The following CNBD2 variants were observed in gnomAD, a reference collection of about 807,000 sequenced individuals.
CNBD2 encodes the protein cyclic nucleotide binding domain containing 2, also known as cyclic nucleotide-binding domain-containing protein 2.
A neutral mutation model predicts 63.7 loss-of-function variants in CNBD2; 64 were observed. That is an observed-to-expected ratio of 1.00 (90% CI 0.82 to 1.24). The LOEUF (loss-of-function observed/expected upper bound fraction) is 1.24. Among genes scored for constraint, CNBD2 ranks in the 50% most tolerant of loss-of-function variants. CNBD2 has a pLI of 0.00. For missense variants in CNBD2, 691 were observed against 713.5 expected, an observed-to-expected ratio of 0.97 and a Z score of 0.36; for synonymous variants, 229 against 255.4, an observed-to-expected ratio of 0.90 and a Z score of 0.99.
At chr20:36,008,933 A>G (rs1490001718) in intron 9 of CNBD2, among the ~76,000 whole-genome samples, 3 of 147,072 alleles carry the variant, frequency 2.0e-5, no homozygotes, top group East Asian at 1.9e-4. Flanking sequence ...AAGGGACTTG[A>G]CCTCTCTAAG....
At chr20:36,021,887 A>G (rs987558037) in intron 10 of CNBD2, among the ~76,000 whole-genome samples, 114 of 152,280 alleles carry the variant, frequency 7.5e-4, no homozygotes, top group African/African-American at 2.6e-3. Context: ...AGCTGGAGAG[A>G]GGAGGACCTG....
chr20:35,977,975 A>G (rs2056544103), intron 3 of CNBD2, among the ~76,000 whole-genome samples: 1 of 152,192 alleles, frequency 6.6e-6, no homozygotes, highest in Non-Finnish European at 1.5e-5. Flanking sequence ...AGTATAGTCC[A>G]TATTGGGCTT....
chr20:35,963,197 C>T (rs915707783), intron 2 of CNBD2, among the ~76,000 whole-genome samples: 4 of 151,218 alleles, frequency 2.6e-5, no homozygotes, highest in Non-Finnish European at 5.9e-5. Context: ...AAAAATTAGT[C>T]AGTCATGGTG....
chr20:35,998,040 CT>C (rs1046661526), intron 8 of CNBD2, among the ~76,000 whole-genome samples: 160 of 127,114 alleles, frequency 1.3e-3, no homozygotes, highest in Admixed American at 4.5e-3. Flanking sequence ...TTTTCTTTTT[CT>C]TTTTTTTTTT....
intron 7 of CNBD2, among the ~76,000 whole-genome samples, chr20:35,993,124 C>T (rs1483200281): frequency 6.6e-6 from 1 of 151,712 alleles, no homozygotes; most frequent in Non-Finnish European, 1.5e-5. Flanking sequence ...GTTTCTCTGG[C>T]ACCTGCAGTT....
intron 10 of CNBD2, among the ~76,000 whole-genome samples, chr20:36,012,129 A>G (rs1055370914): frequency 2.6e-5 from 4 of 152,044 alleles, no homozygotes; most frequent in Non-Finnish European, 5.9e-5. Flanking sequence ...GTGAAACCCC[A>G]TCTCTACTAA....
intron 7 of CNBD2, among the ~76,000 whole-genome samples, chr20:35,992,814 C>T (rs1483664632): frequency 6.9e-6 from 1 of 144,738 alleles, no homozygotes; most frequent in Non-Finnish European, 1.5e-5. Flanking sequence ...GCTCTTTTCT[C>T]TCTTTTTTTT....
At chr20:35,960,390 TTCAGTGCAGTGTTGCAGTCCTAGA>T (rs2056296524) in intron 2 of CNBD2, among the ~76,000 whole-genome samples, 1 of 152,208 alleles carries the variant, frequency 6.6e-6, no homozygotes, top group Non-Finnish European at 1.5e-5. Flanking sequence ...ATTCAGAAAA[TTCAGTGCAGTGTTGCAGTCCTAGA>T]TCACTGCAGC....
intron 8 of CNBD2, among the ~76,000 whole-genome samples, chr20:36,000,920 G>A (rs924418183): frequency 6.6e-6 from 1 of 151,524 alleles, no homozygotes; most frequent in African/African-American, 2.4e-5. Flanking sequence ...GTGTCCCTGG[G>A]TATTTGAGAT....
At chr20:36,015,348 A>G (rs945582562) in intron 10 of CNBD2, among the ~76,000 whole-genome samples, 2 of 152,036 alleles carry the variant, frequency 1.3e-5, no homozygotes, top group African/African-American at 2.4e-5. Context: ...TTCCTTTGCT[A>G]TGCAGGAGCT....
intron 7 of CNBD2, among the ~76,000 whole-genome samples, chr20:35,994,340 CAGGCGTG>C (rs1403770819): frequency 2.0e-5 from 3 of 152,056 alleles, no homozygotes; most frequent in Non-Finnish European, 4.4e-5. Context: ...GCTAGGATTA[CAGGCGTG>C]AGCCACAAGG....
intron 10 of CNBD2, among the ~76,000 whole-genome samples, chr20:36,022,437 A>G (rs1234572637): frequency 6.6e-6 from 1 of 151,528 alleles, no homozygotes; most frequent in Non-Finnish European, 1.5e-5. Context: ...TGATCTCGTG[A>G]TCCACCCGCC....
chr20:36,020,093 T>C (rs1375642839), intron 10 of CNBD2, among the ~76,000 whole-genome samples: 1 of 146,962 alleles, frequency 6.8e-6, no homozygotes, highest in Non-Finnish European at 1.5e-5. Context: ...TTTTCTTTTT[T>C]TTTTCTTGAG....
intron 7 of CNBD2, among the ~76,000 whole-genome samples, chr20:35,990,192 T>A (rs180938514): frequency 1.3e-5 from 2 of 152,322 alleles, no homozygotes; most frequent in East Asian, 1.9e-4. Flanking sequence ...GCAAACACCC[T>A]AAGTCAGGTC....
chr20:36,019,524 A>G (rs1438637593), intron 10 of CNBD2, among the ~76,000 whole-genome samples: 3 of 139,140 alleles, frequency 2.2e-5, no homozygotes, highest in African/African-American at 9.2e-5. Flanking sequence ...CTTGTCTCAA[A>G]AAAAGAAAAA....
Position 35,968,660 on chromosome 20 carries a change from A to T in CNBD2, c.-103A>T, listed in dbSNP as rs2056368741. On this transcript the variant is annotated 5_prime_UTR_variant, in exon 1 of 12. Coordinates refer to ENST00000373973, the MANE Select transcript of CNBD2 (RefSeq NM_001365709.1). ...TGGAGCTCTTGCCTTGTTACTGAGG[A>T]AATCTATTTGTTTCTAGTATTACTG... 1 of 805,540 alleles carries T rather than the reference A, an allele frequency of 1.2e-6. No individual in the cohort carries two copies. Among genetic ancestry groups the T allele is most frequent in the African/African-American group, 1.7e-5 (1 of 58,690 alleles). 49.9% of individuals were successfully genotyped at this position (805,540 alleles called of 1,614,324 possible).
chr20:36,009,638 C>T (rs1487045237), intron 9 of CNBD2, among the ~76,000 whole-genome samples: 1 of 152,052 alleles, frequency 6.6e-6, no homozygotes, highest in Non-Finnish European at 1.5e-5. Context: ...TCGTGACCAG[C>T]CTGGCCAACA....
intron 10 of CNBD2, among the ~76,000 whole-genome samples, chr20:36,013,185 G>A (rs569872159): frequency 3.3e-5 from 5 of 152,262 alleles, no homozygotes; most frequent in East Asian, 3.9e-4. Context: ...TTGGGAGTAC[G>A]AGGCAGGTGG....
upstream of CNBD2, among the ~76,000 whole-genome samples, chr20:35,966,180 C>T (rs1289538349): frequency 6.6e-6 from 1 of 152,160 alleles, no homozygotes; most frequent in Non-Finnish European, 1.5e-5. Flanking sequence ...GCAAAAACTC[C>T]ATACCTCATC....
Sources: allele counts gnomAD v4.1 joint callset (sites outside exome capture counted in the v4.1 genomes callset), GRCh38; gene constraint gnomAD v4.1.1; transcripts MANE v1.5; gene names NCBI Gene and HGNC (gene_info 2026-07-23, HGNC 2026-07-21).